Variants in TPTE2 observed in about 807,000 individuals in gnomAD.
TPTE2 encodes the protein transmembrane phosphoinositide 3-phosphatase and tensin homolog 2.
Under a neutral mutation model 78.6 loss-of-function variants are expected in TPTE2, and 53 were observed. The ratio of observed to expected loss-of-function variants is 0.67; its 90% confidence interval spans 0.54 to 0.85. TPTE2 has a LOEUF of 0.85. Among genes scored for constraint, TPTE2 ranks in the 40% least tolerant of loss-of-function variants. The pLI is 0.00. For missense variants in TPTE2, 461 were observed against 623.0 expected (o/e 0.74, Z 2.77); for synonymous variants, 175 against 206.2 (o/e 0.85, Z 1.30).
intron 1 of TPTE2, among the ~76,000 whole-genome samples, chr13:19,530,985 A>G (rs2137745012): frequency 6.6e-6 from 1 of 152,294 alleles, no homozygotes; most frequent in South Asian, 2.1e-4. Flanking sequence ...CAGAAAGTCT[A>G]TACCCATTAA....
At chr13:19,542,338 G>C in the TPTE2 span, among the ~76,000 whole-genome samples, 1 of 151,978 alleles carries the variant, frequency 6.6e-6, no homozygotes, top group Non-Finnish European at 1.5e-5. Flanking sequence ...CCTGCTCAGG[G>C]TCTCACAAGG....
intron 1 of TPTE2, 175 bp from the exon 5 acceptor site, chr13:19,493,676 A>C: frequency 1.4e-6 from 1 of 689,960 alleles, no homozygotes; most frequent in South Asian, 1.5e-5. Flanking sequence ...GAGGATGTAT[A>C]TGACGACAAC....
chr13:19,465,947 G>C (rs1181635396), intron 7 of TPTE2, among the ~76,000 whole-genome samples: 1 of 152,072 alleles, frequency 6.6e-6, no homozygotes, highest in Admixed American at 6.6e-5. Flanking sequence ...TTTAATTTTG[G>C]GATTTAAGAC....
chr13:19,473,491 A>C (rs954747367), intron 6 of TPTE2, among the ~76,000 whole-genome samples: 1 of 152,020 alleles, frequency 6.6e-6, no homozygotes, highest in East Asian at 1.9e-4. Context: ...GCCACCTCAA[A>C]CACAGGCCAT....
the TPTE2 span, among the ~76,000 whole-genome samples, chr13:19,543,456 C>T: frequency 6.6e-6 from 1 of 151,178 alleles, no homozygotes; most frequent in Non-Finnish European, 1.5e-5. Flanking sequence ...CACCCGGGTT[C>T]AAGTGATCTC....
chr13:19,481,805 C>T (rs1880375136), intron 4 of TPTE2, among the ~76,000 whole-genome samples: 1 of 152,140 alleles, frequency 6.6e-6, no homozygotes, highest in Non-Finnish European at 1.5e-5. Context: ...AGCTTACAAC[C>T]ATGGTGAGTT....
chr13:19,447,732 G>T (rs1264931822), intron 13 of TPTE2, among the ~76,000 whole-genome samples: 3 of 152,128 alleles, frequency 2.0e-5, no homozygotes, highest in African/African-American at 7.2e-5. Context: ...GGCAAAATTT[G>T]TGAAATATGC....
intron 1 of TPTE2, 101 bp downstream of exon 4, chr13:19,503,123 G>C (rs1475703616): frequency 4.6e-6 from 7 of 1,521,660 alleles, no homozygotes; most frequent in Non-Finnish European, 6.3e-6. Flanking sequence ...ATGGATGCAT[G>C]GATGCATGGA....
intron 10 of TPTE2, chr13:19,458,805 C>G (rs1255271164): frequency 2.8e-6 from 1 of 352,004 alleles, no homozygotes; most frequent in Non-Finnish European, 5.7e-6. Context: ...TTTTCTTTAT[C>G]CAATCTATCA....
At chr13:19,479,896 A>G (rs1205538601) in intron 4 of TPTE2, among the ~76,000 whole-genome samples, 3 of 151,712 alleles carry the variant, frequency 2.0e-5, no homozygotes, top group Non-Finnish European at 2.9e-5. Context: ...CTGGGAGGCC[A>G]AGGTTGCAGT....
chr13:19,465,684 A>G, intron 7 of TPTE2, 120 bp from the exon 11 acceptor site: 1 of 785,594 alleles, frequency 1.3e-6, no homozygotes, highest in Non-Finnish European at 2.0e-6. Context: ...CCAATTACCT[A>G]CCTGGGGGAT....
At chr13:19,524,779 A>G (rs1870396197) in intron 1 of TPTE2, among the ~76,000 whole-genome samples, 1 of 152,192 alleles carries the variant, frequency 6.6e-6, no homozygotes, top group Admixed American at 6.5e-5. Context: ...ACAATAAATA[A>G]TAAACCAGGA....
At chr13:19,511,987 A>G (rs142671492) in intron 1 of TPTE2, among the ~76,000 whole-genome samples, 7,079 of 152,288 alleles carry the variant, frequency 0.046, 228 homozygotes, top group Middle Eastern at 0.14. Flanking sequence ...TAGTTCTAAC[A>G]TAGACTGAAA....
intron 1 of TPTE2, among the ~76,000 whole-genome samples, chr13:19,528,387 C>CAA (rs757445665): frequency 1.8e-5 from 2 of 109,242 alleles, no homozygotes; most frequent in Non-Finnish European, 4.0e-5. Context: ...AACTCCATCT[C>CAA]AAAAAAAAAA....
the TPTE2 span, among the ~76,000 whole-genome samples, chr13:19,547,037 A>G: frequency 6.6e-6 from 1 of 152,070 alleles, no homozygotes; most frequent in Admixed American, 6.5e-5. Context: ...TACCAAGGAT[A>G]GCCCTCCTGA....
intron 3 of TPTE2, among the ~76,000 whole-genome samples, chr13:19,488,374 TCTC>T (rs1462911264): frequency 6.6e-6 from 1 of 152,184 alleles, no homozygotes; most frequent in East Asian, 1.9e-4. Context: ...TGCGTTGACT[TCTC>T]CTCTCTAAAT....
chr13:19,457,768 TG>T (rs1387689861), intron 10 of TPTE2, among the ~76,000 whole-genome samples: 3 of 152,194 alleles, frequency 2.0e-5, no homozygotes, highest in Admixed American at 6.5e-5. Context: ...TTTTTGTTGT[TG>T]TTTTTTTAAG....
At chr13:19,430,623 G>T (rs1338788547) in intron 16 of TPTE2, 76 bp from the exon 20 acceptor site, 1 of 900,790 alleles carries the variant, frequency 1.1e-6, no homozygotes, top group Non-Finnish European at 1.7e-6. Context: ...TTAACATCAT[G>T]GATTAAAAAG....
rs1313623368 is a variant in TPTE2, at chr13:19,464,539, A to G, written c.677-19T>C. ...ATACGTTCTGAAAGTCAAAATCATC[A>G]CTATTACAAACATTATTATAGATTT... On this transcript the variant is annotated intron_variant, in intron 9 of 19. Transcript: ENST00000400230. 1 of 1,609,062 alleles carries G rather than the reference A, an allele frequency of 6.2e-7. No homozygotes were observed. Among genetic ancestry groups the G allele is most frequent in the Non-Finnish European group, 8.5e-7 (1 of 1,176,918 alleles).
Sources: gnomAD v4.1 joint callset for allele counts (sites outside exome capture counted in the v4.1 genomes callset) on GRCh38, gnomAD v4.1.1 for gene constraint, MANE v1.5 for transcripts, NCBI Gene and HGNC (gene_info 2026-07-23, HGNC 2026-07-21) for gene names.